Variants in INTS6 observed in about 807,000 individuals in gnomAD.
INTS6 encodes the protein DEAD box protein.
A neutral mutation model predicts 104.9 loss-of-function variants in INTS6; 16 were observed. That is an observed-to-expected ratio of 0.15 (90% CI 0.10 to 0.23). The LOEUF is 0.23. Ranked by LOEUF, INTS6 falls within the 10% of genes least tolerant of loss-of-function variation. The probability of loss-of-function intolerance (pLI) is 1.00; values close to 1 mark genes in which losing one functional copy is unlikely to be tolerated. For synonymous variants in INTS6, 324 were observed against 358.7 expected (o/e 0.90, Z 1.09); for missense variants, 584 against 1,062.8 (o/e 0.55, Z 6.26).
chr13:51,443,194 G>T (rs1952829443), intron 3 of INTS6: 1 of 152,102 alleles, frequency 6.6e-6, no homozygotes, highest in Non-Finnish European at 1.5e-5. Context: ...TAAATGTGAA[G>T]AAATTAAGCC....
At chr13:51,361,137 A>AGG (rs1465117699), downstream of INTS6, 4 of 538,632 alleles carry the variant, frequency 7.4e-6, no homozygotes, top group Non-Finnish European at 6.6e-6. Context: ...CAAAAACAGA[A>AGG]TTTTCCACTC....
intron 4 of INTS6, among the ~76,000 whole-genome samples, chr13:51,422,539 C>T (rs1178679283): frequency 2.0e-5 from 3 of 152,146 alleles, no homozygotes; most frequent in Non-Finnish European, 4.4e-5. Context: ...CAGAATTCTG[C>T]CTTCCTGTCC....
At chr13:51,389,630 TCCAA>T (rs1199673975) in intron 5 of INTS6, among the ~76,000 whole-genome samples, 186 bp from the exon 6 acceptor site, 3 of 152,188 alleles carry the variant, frequency 2.0e-5, no homozygotes, top group Non-Finnish European at 4.4e-5. Flanking sequence ...AATCATTATT[TCCAA>T]CCAACCAACA....
intron 3 of INTS6, among the ~76,000 whole-genome samples, chr13:51,436,074 T>C (rs1311643397): frequency 6.6e-6 from 1 of 152,084 alleles, no homozygotes; most frequent in Non-Finnish European, 1.5e-5. Context: ...AACTCTAAAA[T>C]ATTCATCTTA....
the INTS6 span, among the ~76,000 whole-genome samples, chr13:51,343,320 T>C: frequency 0.025 from 3,739 of 152,296 alleles, 61 homozygotes; most frequent in South Asian, 0.056. Flanking sequence ...CTGGAAACAC[T>C]CAGCTTGCAT....
chr13:51,351,304 A>G (rs1308614109), downstream of INTS6, among the ~76,000 whole-genome samples: 1 of 152,182 alleles, frequency 6.6e-6, no homozygotes, highest in African/African-American at 2.4e-5. Flanking sequence ...CATCCTTGTC[A>G]ACACTTGTTA....
intron 3 of INTS6, chr13:51,436,518 TA>T (rs1200789544): frequency 6.6e-5 from 10 of 152,142 alleles, no homozygotes; most frequent in Admixed American, 5.9e-4. Context: ...TAAGCAAAAG[TA>T]GGGGGGAGTT....
intron 17 of INTS6, among the ~76,000 whole-genome samples, chr13:51,366,658 A>G (rs1046751696): frequency 1.3e-5 from 2 of 152,042 alleles, no homozygotes; most frequent in Non-Finnish European, 2.9e-5. Flanking sequence ...ATGTTACCAT[A>G]AAGAGCATAA....
rs201966920 is a variant in INTS6, at chr13:51,367,788, T to A, written c.2570+17A>T. 1.5e-6 allele frequency: 2 copies of A among 1,340,016 alleles called. No homozygotes were observed. The highest frequency in any genetic ancestry group is 2.5e-5 in the South Asian group (2 of 80,216). The allele number at this position is 1,340,016 out of a possible 1,614,324, so 83.0% of individuals were successfully genotyped here. On this transcript the variant is annotated intron_variant, in intron 17 of 17. Transcript: ENST00000311234. ...CTCATTTCATCACCATTTCATTATA[T>A]GCAATAGTTTATTTACCTTGATGCT...
At chr13:51,337,762 G>C in the INTS6 span, among the ~76,000 whole-genome samples, 1 of 152,214 alleles carries the variant, frequency 6.6e-6, no homozygotes, top group Non-Finnish European at 1.5e-5. Flanking sequence ...TAATAGAGTA[G>C]CTGGAACACA....
chr13:51,355,875 T>C (rs1286483787), intron 3 of INTS6, among the ~76,000 whole-genome samples: 1 of 152,234 alleles, frequency 6.6e-6, no homozygotes, highest in East Asian at 1.9e-4. Context: ...AAATTATCTG[T>C]GCAAAGATGA....
In INTS6 at chr13:51,361,804, C is replaced by T. The variant is rs775325667; in HGVS notation, c.*3948G>A. ...ATGCAATGGAATTTTTCTTTCTTTCCTGCAGCTCTGTTGTTATTGAAAAGG... is the reference window on the plus strand; with the variant it reads ...ATGCAATGGAATTTTTCTTTCTTTCTTGCAGCTCTGTTGTTATTGAAAAGG... On this transcript the variant is annotated 3_prime_UTR_variant, in exon 18 of 18. Transcript: ENST00000311234. 1.1e-5 allele frequency: 18 copies of T among 1,581,112 alleles called. No individual in the cohort carries two copies. The highest frequency in any genetic ancestry group is 1.5e-5 in the Non-Finnish European group (18 of 1,169,286).
intron 7 of INTS6, chr13:51,384,502 C>T: frequency 2.5e-6 from 1 of 392,498 alleles, no homozygotes; most frequent in Non-Finnish European, 5.1e-6. Context: ...TGGTGGTTCA[C>T]AAATCTACTG....
intron 4 of INTS6, among the ~76,000 whole-genome samples, chr13:51,424,576 A>G (rs1956954004): frequency 6.6e-6 from 1 of 152,088 alleles, no homozygotes; most frequent in South Asian, 2.1e-4. Context: ...GGCCAAAAAT[A>G]TGAGTAGAAA....
intron 2 of INTS6, 157 bp from the exon 3 acceptor site, chr13:51,451,331 C>T (rs1953037199): frequency 2.2e-6 from 1 of 461,054 alleles, no homozygotes. Context: ...AACTCTCTTC[C>T]AAAGGTGGCC....
downstream of INTS6, among the ~76,000 whole-genome samples, chr13:51,353,910 C>T (rs768948778): frequency 5.3e-5 from 8 of 151,944 alleles, no homozygotes; most frequent in African/African-American, 1.7e-4. Flanking sequence ...TATCAGCAGC[C>T]CTTTTAAAGT....
At chr13:51,350,237 G>A (rs771940389), downstream of INTS6, among the ~76,000 whole-genome samples, 25 of 152,108 alleles carry the variant, frequency 1.6e-4, no homozygotes, top group Non-Finnish European at 3.4e-4. Flanking sequence ...GTAGATTCTG[G>A]ACGAATTATG....
At chr13:51,347,247 C>T in the INTS6 span, 1 of 1,611,316 alleles carries the variant, frequency 6.2e-7, no homozygotes, top group Non-Finnish European at 8.5e-7. Flanking sequence ...GAGCTCTGCC[C>T]CTGCTGGTTT....
At chr13:51,374,055 AAT>A (rs989211013) in intron 15 of INTS6, among the ~76,000 whole-genome samples, 151 bp downstream of exon 15, 2 of 152,226 alleles carry the variant, frequency 1.3e-5, no homozygotes, top group Non-Finnish European at 2.9e-5. Context: ...GACATACAAA[AAT>A]GATTACATGC....
Sources: allele counts gnomAD v4.1 joint callset (sites outside exome capture counted in the v4.1 genomes callset), GRCh38; gene constraint gnomAD v4.1.1; transcripts MANE v1.5; gene names NCBI Gene and HGNC (gene_info 2026-07-23, HGNC 2026-07-21).